The following FAM114A1 variants were observed in gnomAD, a reference collection of about 807,000 sequenced individuals.
FAM114A1 encodes protein NOXP20.
A neutral mutation model predicts 64.3 loss-of-function variants in FAM114A1; 62 were observed. The ratio of observed to expected loss-of-function variants is 0.96; its 90% confidence interval spans 0.79 to 1.19. The LOEUF is 1.19. FAM114A1 is among the 50% of genes most tolerant of loss of function. The pLI is 0.00. For synonymous variants in FAM114A1, 254 were observed against 251.1 expected (o/e 1.01, Z -0.11); for missense variants, 645 against 676.3 (o/e 0.95, Z 0.51).
At chr4:38,883,636 A>G (rs189715548) in intron 3 of FAM114A1, among the ~76,000 whole-genome samples, 6 of 152,320 alleles carry the variant, frequency 3.9e-5, no homozygotes, top group Non-Finnish European at 7.3e-5. Flanking sequence ...AAAAAAGGAG[A>G]AGCAGAATGT....
At chr4:38,869,512 A>C (rs943503307) in intron 2 of FAM114A1, among the ~76,000 whole-genome samples, 1 of 152,166 alleles carries the variant, frequency 6.6e-6, no homozygotes, top group Non-Finnish European at 1.5e-5. Flanking sequence ...TATGATGGGA[A>C]GTGTGAAGAT....
chr4:38,874,190 G>C (rs973433105), intron 2 of FAM114A1, among the ~76,000 whole-genome samples: 1 of 152,142 alleles, frequency 6.6e-6, no homozygotes, highest in Non-Finnish European at 1.5e-5. Context: ...TGTGACTTCT[G>C]AGCTTCAGTT....
At chr4:38,895,193 T>G (rs1278643290) in intron 4 of FAM114A1, among the ~76,000 whole-genome samples, 1 of 152,240 alleles carries the variant, frequency 6.6e-6, no homozygotes, top group Non-Finnish European at 1.5e-5. Context: ...CTGGCACCTC[T>G]GCTTTGAAGA....
intron 9 of FAM114A1, among the ~76,000 whole-genome samples, chr4:38,927,089 C>T (rs1420981821): frequency 2.6e-5 from 4 of 152,152 alleles, no homozygotes; most frequent in African/African-American, 9.7e-5. Flanking sequence ...AGGCATACTC[C>T]CTCCTGGACT....
At chr4:38,875,089 G>T (rs1391750408) in intron 2 of FAM114A1, among the ~76,000 whole-genome samples, 1 of 152,146 alleles carries the variant, frequency 6.6e-6, no homozygotes, top group Admixed American at 6.5e-5. Flanking sequence ...TTGTAGTATA[G>T]TTTGAAGTTG....
intron 10 of FAM114A1, among the ~76,000 whole-genome samples, chr4:38,929,784 A>T (rs12641527): frequency 0.25 from 37,236 of 151,978 alleles, 5,031 homozygotes; most frequent in East Asian, 0.55. Context: ...CTCAAATTTT[A>T]AAAAAAGGAA....
intron 8 of FAM114A1, among the ~76,000 whole-genome samples, chr4:38,915,315 TCCC>T: frequency 6.6e-6 from 1 of 151,856 alleles, no homozygotes; most frequent in South Asian, 2.1e-4. Context: ...GCCACCACTA[TCCC>T]CCCACCTCAT....
intron 2 of FAM114A1, among the ~76,000 whole-genome samples, chr4:38,871,953 C>T (rs751620287): frequency 6.6e-6 from 1 of 152,174 alleles, no homozygotes; most frequent in Non-Finnish European, 1.5e-5. Flanking sequence ...CCTAGAAGAA[C>T]GCTACTCCAA....
intron 2 of FAM114A1, among the ~76,000 whole-genome samples, chr4:38,874,078 A>G (rs1560282964): frequency 6.6e-6 from 1 of 152,216 alleles, no homozygotes; most frequent in Non-Finnish European, 1.5e-5. Flanking sequence ...CACTGACTGA[A>G]TGTAAGAAAA....
chr4:38,899,182 G>C (rs1442464268), intron 4 of FAM114A1, among the ~76,000 whole-genome samples: 1 of 152,020 alleles, frequency 6.6e-6, no homozygotes, highest in East Asian at 1.9e-4. Context: ...AGTGCTTTCT[G>C]GAACAAGCTT....
intron 2 of FAM114A1, among the ~76,000 whole-genome samples, chr4:38,871,301 A>C (rs557332944): frequency 6.6e-6 from 1 of 152,022 alleles, no homozygotes; most frequent in East Asian, 1.9e-4. Flanking sequence ...TCTGCTGGGC[A>C]GGCTGGTCTG....
At chr4:38,869,350 G>A (rs1713787611) in intron 2 of FAM114A1, among the ~76,000 whole-genome samples, 1 of 152,178 alleles carries the variant, frequency 6.6e-6, no homozygotes, top group African/African-American at 2.4e-5. Flanking sequence ...AGTTTGCCAG[G>A]CAGCTGGAGG....
At chr4:38,911,829 CTTCTTTTTTTTT>C (rs1464397377) in intron 7 of FAM114A1, among the ~76,000 whole-genome samples, 3 of 135,726 alleles carry the variant, frequency 2.2e-5, no homozygotes, top group Non-Finnish European at 3.2e-5. Context: ...TTCTTTCTTT[CTTCTTTTTTTTT>C]TTCTTTTTTT....
At chr4:38,872,707 C>T (rs374630833) in intron 2 of FAM114A1, among the ~76,000 whole-genome samples, 4 of 152,304 alleles carry the variant, frequency 2.6e-5, no homozygotes, top group South Asian at 2.1e-4. Context: ...AAGTCCTAGG[C>T]CATGGGTAAG....
Position 38,870,001 on chromosome 4 carries a change from GA to G in FAM114A1, c.-9+1463del, listed in dbSNP as rs35371501. On this transcript the variant is annotated intron_variant, in intron 2 of 14. Transcript: ENST00000358869. The stretch of plus-strand genomic sequence containing the variant: ...GCCCCAGTCCTGCAGGTGGAGTTTG[GA>G]AAAAAAAGCATCCAGATCAGTTTGT... Among the ~76,000 whole-genome samples, 130 of 151,716 alleles carry G rather than the reference GA, an allele frequency of 8.6e-4. 1 individual carries two copies. The highest frequency in any genetic ancestry group is 7.6e-3 in the Admixed American group (116 of 15,250).
At chr4:38,898,886 C>A (rs917938913) in intron 4 of FAM114A1, among the ~76,000 whole-genome samples, 9 of 149,912 alleles carry the variant, frequency 6.0e-5, no homozygotes, top group Non-Finnish European at 1.2e-4. Context: ...GAGTCTGAAA[C>A]ACAGTCAGTA....
intron 14 of FAM114A1, among the ~76,000 whole-genome samples, chr4:38,942,722 C>T (rs1721666402): frequency 6.6e-6 from 1 of 152,184 alleles, no homozygotes; most frequent in Admixed American, 6.5e-5. Flanking sequence ...CCATGAATAA[C>T]TGCCCAATAG....
chr4:38,895,644 C>T (rs900420817), intron 4 of FAM114A1, among the ~76,000 whole-genome samples: 3 of 152,168 alleles, frequency 2.0e-5, no homozygotes, highest in South Asian at 2.1e-4. Flanking sequence ...TCTCTCAATA[C>T]GGTCATGCTT....
At chr4:38,902,634 C>T (rs1717621896) in intron 4 of FAM114A1, among the ~76,000 whole-genome samples, 1 of 152,150 alleles carries the variant, frequency 6.6e-6, no homozygotes, top group Admixed American at 6.5e-5. Context: ...CAGCACTCAC[C>T]TTCTATTGCA....
Sources: allele counts gnomAD v4.1 joint callset (sites outside exome capture counted in the v4.1 genomes callset), GRCh38; gene constraint gnomAD v4.1.1; transcripts MANE v1.5; gene names NCBI Gene and HGNC (gene_info 2026-07-23, HGNC 2026-07-21).